LGI2: variants seen among roughly 807,000 people sequenced by gnomAD.
LGI2 encodes the protein leucine rich repeat LGI family member 2, also known as leucine-rich repeat LGI family member 2.
Under a neutral mutation model 52.0 loss-of-function variants are expected in LGI2, and 30 were observed. The ratio of observed to expected loss-of-function variants is 0.58; its 90% confidence interval spans 0.43 to 0.78. LGI2 has a LOEUF of 0.78. Among genes scored for constraint, LGI2 ranks in the 30% least tolerant of loss-of-function variants. The pLI is 0.00. For synonymous variants in LGI2, 270 were observed against 271.8 expected (o/e 0.99, Z 0.06); for missense variants, 573 against 692.5 (o/e 0.83, Z 1.94).
chr4:25,029,516 C>T (rs1032455938), intron 1 of LGI2, among the ~76,000 whole-genome samples: 1 of 152,222 alleles, frequency 6.6e-6, no homozygotes, highest in African/African-American at 2.4e-5. Context: ...ACTGACTGGG[C>T]ACCCAGGCAT....
intron 5 of LGI2, among the ~76,000 whole-genome samples, chr4:25,018,735 G>A (rs1363994781): frequency 3.3e-5 from 5 of 152,002 alleles, no homozygotes; most frequent in Admixed American, 1.3e-4. Context: ...AGTGGTGTGC[G>A]CCTGTAGTCC....
chr4:25,004,507 G>T lies in LGI2; in HGVS notation c.821-239C>A, dbSNP rs1256281927. Among the ~76,000 whole-genome samples, 1 of 152,182 alleles carries T rather than the reference G, an allele frequency of 6.6e-6. No homozygotes were observed. Among genetic ancestry groups the T allele is most frequent in the Non-Finnish European group, 1.5e-5 (1 of 68,036 alleles). On this transcript the variant is annotated intron_variant, in intron 7 of 7. Coordinates refer to ENST00000382114, the MANE Select transcript of LGI2 (RefSeq NM_018176.4). This position sits in a 1 kb window ranked among gnomAD's most constrained non-coding sequence, Gnocchi z 4.6. Reference sequence around the variant, plus strand: ...TCAAAGAGATATCTGTACACCTAATGCTATAGACCAAATGTTTGTGCTCTC... The same window carrying T: ...TCAAAGAGATATCTGTACACCTAATTCTATAGACCAAATGTTTGTGCTCTC...
In LGI2 at chr4:25,003,513, C is replaced by CA. The variant is rs1459530720; in HGVS notation, c.1575dup (p.Ala526CysfsTer12). On this transcript the variant is annotated frameshift_variant, in exon 8 of 8. Transcript: ENST00000382114. LOFTEE classifies it high-confidence loss of function. ...TTTGTTTTCCCTTTGAAACTGGATG[C>CA]AAAAAAGAAATCTCTCCTGTCGGTG... 2 of 1,606,224 alleles carry CA rather than the reference C, an allele frequency of 1.2e-6. No homozygotes were observed. Among genetic ancestry groups the CA allele is most frequent in the Admixed American group, 1.7e-5 (1 of 57,630 alleles).
intron 6 of LGI2, among the ~76,000 whole-genome samples, chr4:25,015,951 G>C (rs1053912150): frequency 1.3e-5 from 2 of 151,820 alleles, no homozygotes; most frequent in African/African-American, 2.4e-5. Context: ...CACAAAGCCA[G>C]AATTATCATC....
In LGI2 at chr4:24,999,525, G is replaced by T; in HGVS notation, c.*3926C>A. ...CAGGAAGCTGTTGAACAGAATCTTT[G>T]GCCGCTGCCTAATTAAAGAACTTCC... is the stretch of plus-strand genomic sequence containing the variant. On this transcript the variant is annotated 3_prime_UTR_variant, in exon 8 of 8. Transcript: ENST00000382114. 1 of 230,872 alleles carries T rather than the reference G, an allele frequency of 4.3e-6. No individual in the cohort carries two copies. The allele number at this position is 230,872 out of a possible 1,614,324, so 14.3% of individuals were successfully genotyped here.
At chr4:24,994,636 A>G (rs1476751276), downstream of LGI2, among the ~76,000 whole-genome samples, 1 of 152,190 alleles carries the variant, frequency 6.6e-6, no homozygotes, top group East Asian at 1.9e-4. Flanking sequence ...GGTATGTCGA[A>G]ATGTGTGTTT....
Position 25,003,504 on chromosome 4 carries a change from A to G in LGI2, c.1585T>C (p.Phe529Leu). ...TCAAAAATCTTTGTTTTCCCTTTGA[A>G]ACTGGATGCAAAAAAGAAATCTCTC... ...DRRDFFFASS[F>L]KGKTKIFEHI... Residue 529 changes from phenylalanine to leucine, a missense_variant, in exon 8 of 8, where the codon TTC becomes CTC. Coordinates refer to ENST00000382114, the MANE Select transcript of LGI2 (RefSeq NM_018176.4). 1 of 1,606,430 alleles carries G rather than the reference A, an allele frequency of 6.2e-7. No individual in the cohort carries two copies. Among genetic ancestry groups the G allele is most frequent in the Non-Finnish European group, 8.5e-7 (1 of 1,178,374 alleles).
At chr4:25,007,980 A>T (rs1340133742) in intron 7 of LGI2, among the ~76,000 whole-genome samples, 1 of 152,208 alleles carries the variant, frequency 6.6e-6, no homozygotes, top group African/African-American at 2.4e-5. Flanking sequence ...TTCTTGAAGC[A>T]AGTAGCACCT....
chr4:25,006,424 C>A (rs1316468798), intron 7 of LGI2, among the ~76,000 whole-genome samples: 1 of 152,174 alleles, frequency 6.6e-6, no homozygotes, highest in Non-Finnish European at 1.5e-5. Context: ...ATCCCAAATT[C>A]TAAGGATGAT....
At chr4:25,015,077 C>T (rs1052442634) in intron 6 of LGI2, among the ~76,000 whole-genome samples, 2 of 152,174 alleles carry the variant, frequency 1.3e-5, no homozygotes, top group Non-Finnish European at 2.9e-5. Flanking sequence ...AAAAGAACTG[C>T]CACTTCCATT....
At chr4:25,030,448 G>T in intron 1 of LGI2, 49 bp downstream of exon 1, 2 of 1,500,526 alleles carry the variant, frequency 1.3e-6, no homozygotes, top group Non-Finnish European at 9.0e-7. Context: ...CGCGGCGGCG[G>T]ACGCAGGGTG....
At chr4:25,016,495 T>C (rs1316993713) in intron 6 of LGI2, among the ~76,000 whole-genome samples, 1 of 152,246 alleles carries the variant, frequency 6.6e-6, no homozygotes, top group Non-Finnish European at 1.5e-5. Flanking sequence ...CTCTGATTTA[T>C]TGTCCTGGCC....
At chr4:25,029,811 C>A (rs1466110584) in intron 1 of LGI2, among the ~76,000 whole-genome samples, 1 of 152,226 alleles carries the variant, frequency 6.6e-6, no homozygotes, top group Non-Finnish European at 1.5e-5. Flanking sequence ...AGCACTTGGC[C>A]ACTGGGCTAG....
At chr4:25,014,484 C>CCCCA (rs1553871855) in intron 6 of LGI2, among the ~76,000 whole-genome samples, 1 of 116,766 alleles carries the variant, frequency 8.6e-6, no homozygotes, top group African/African-American at 3.5e-5. Context: ...CCGCCCCCGC[C>CCCCA]AAAAAAAAGG....
intron 6 of LGI2, among the ~76,000 whole-genome samples, chr4:25,013,762 A>G (rs1725663465): frequency 6.6e-6 from 1 of 152,202 alleles, no homozygotes; most frequent in South Asian, 2.1e-4. Flanking sequence ...GATAGTATTC[A>G]GTTGCCTACT....
chr4:25,012,223 T>TG, intron 7 of LGI2, 112 bp downstream of exon 7: 1 of 1,224,614 alleles, frequency 8.2e-7, no homozygotes, highest in Non-Finnish European at 1.2e-6. Context: ...TCCCCAGCTC[T>TG]AACCAGGTTA....
rs1189494916 is a variant in LGI2 at position 25,012,341 on chromosome 4, T to C, written c.814A>G (p.Ile272Val). The change falls in exon 7 of 8, where the codon ATT (isoleucine) becomes GTT (valine). Residue 272 changes from isoleucine to valine, a missense_variant. Coordinates refer to ENST00000382114, the MANE Select transcript of LGI2 (RefSeq NM_018176.4). Reference sequence around the variant, plus strand: ...GATCAAAGCCACAACACACCTGTAATGTTGTCATAGCTCCGGAAATTCATT... The same window carrying C: ...GATCAAAGCCACAACACACCTGTAACGTTGTCATAGCTCCGGAAATTCATT... ...IEMNFRSYDN[I>V]TGQSIVGCKA... 3 of 1,614,122 alleles carry C rather than the reference T, an allele frequency of 1.9e-6. No individual in the cohort carries two copies. The highest frequency in any genetic ancestry group is 2.5e-6 in the Non-Finnish European group (3 of 1,180,042).
rs549234416 is a variant in LGI2 at position 25,024,835 on chromosome 4, C to T, written c.398G>A (p.Arg133His). 1.7e-5 allele frequency: 27 copies of T among 1,607,992 alleles called. No individual in the cohort carries two copies. The highest frequency in any genetic ancestry group is 1.7e-4 in the Middle Eastern group (1 of 6,048). Reference protein sequence around the residue: ...TISRNAFRGLRDLTHLSLANN... With the variant: ...TISRNAFRGLHDLTHLSLANN... ...TAGGACTTACAGGTGAGTCAGGTCA[C>T]GGAGGCCACGAAAGGCATTTCTTGA... is the stretch of plus-strand genomic sequence containing the variant. The change falls in exon 4 of 8, where the codon CGT becomes CAT. Residue 133 changes from arginine to histidine, a missense_variant. Coordinates refer to ENST00000382114, the MANE Select transcript of LGI2 (RefSeq NM_018176.4).
At chr4:25,024,769 C>A in intron 4 of LGI2, 51 bp downstream of exon 4, 2 of 1,266,188 alleles carry the variant, frequency 1.6e-6, no homozygotes, top group Non-Finnish European at 2.2e-6. Context: ...TCCAGGAAAC[C>A]AATCTTACTC....
Sources: allele counts gnomAD v4.1 joint callset (sites outside exome capture counted in the v4.1 genomes callset), GRCh38; gene constraint gnomAD v4.1.1; non-coding constraint Gnocchi (gnomAD v3.1); transcripts MANE v1.5; gene names NCBI Gene and HGNC (gene_info 2026-07-23, HGNC 2026-07-21).